MAPK4: variants seen among roughly 807,000 people sequenced by gnomAD.
MAPK4 encodes the protein mitogen-activated protein kinase 4.
A neutral mutation model predicts 47.7 loss-of-function variants in MAPK4; 22 were observed. That is an observed-to-expected ratio of 0.46 (90% CI 0.33 to 0.66). The LOEUF is 0.66. Ranked by LOEUF, MAPK4 falls within the 30% of genes least tolerant of loss-of-function variation. The pLI is 0.02. For missense variants in MAPK4, 736 were observed against 831.7 expected, an observed-to-expected ratio of 0.88 and a Z score of 1.42; for synonymous variants, 390 against 365.7, an observed-to-expected ratio of 1.07 and a Z score of -0.76.
At chr18:50,606,537 A>G (rs184647897) in intron 1 of MAPK4, among the ~76,000 whole-genome samples, 29 of 152,242 alleles carry the variant, frequency 1.9e-4, no homozygotes, top group Non-Finnish European at 2.8e-4. Flanking sequence ...CTATCTACCA[A>G]ATATTTCTAA....
At chr18:50,688,889 T>A (rs374587368) in intron 2 of MAPK4, among the ~76,000 whole-genome samples, 4,119 of 114,874 alleles carry the variant, frequency 0.036, no homozygotes, top group Non-Finnish European at 0.041. Flanking sequence ...CCTATGGAAA[T>A]AAAAAAAAAA....
intron 1 of MAPK4, among the ~76,000 whole-genome samples, chr18:50,595,055 G>A (rs969800366): frequency 4.6e-5 from 7 of 152,164 alleles, no homozygotes; most frequent in East Asian, 1.9e-4. Context: ...TGGCAACGCC[G>A]GATGTTGGCA....
At chr18:50,727,707 C>T (rs906143062) in intron 5 of MAPK4, among the ~76,000 whole-genome samples, 9 of 152,134 alleles carry the variant, frequency 5.9e-5, no homozygotes, top group African/African-American at 2.2e-4. Context: ...CCCTGACCAC[C>T]CCTAAACCTG....
intron 1 of MAPK4, among the ~76,000 whole-genome samples, chr18:50,585,816 CCTT>C (rs376862607): frequency 9.8e-5 from 15 of 152,288 alleles, no homozygotes; most frequent in African/African-American, 3.1e-4. Flanking sequence ...CCAAACATGT[CCTT>C]CTTCACATGG....
chr18:50,729,053 C>A, intron 5 of MAPK4, 105 bp from the exon 6 acceptor site: 1 of 981,538 alleles, frequency 1.0e-6, no homozygotes, highest in Non-Finnish European at 1.5e-6. Flanking sequence ...GGATGGGGGT[C>A]GAAGGCAGGT....
chr18:50,664,385 G>A lies in MAPK4; in HGVS notation c.427G>A (p.Ala143Thr), dbSNP rs754605852. ...LLRGLKYIHS[A>T]NVLHRDLKPA... ...CCGCGGGCTCAAGTACATCCACTCC[G>A]CCAACGTGCTGCACAGGGACCTGAA... Residue 143 changes from alanine (A) to threonine (T), a missense_variant, in exon 2 of 6, where the codon GCC (alanine) becomes ACC (threonine). This residue lies in a region of MAPK4 where 327 missense variants were observed against 395.4 expected (regional missense o/e 0.83). Coordinates refer to ENST00000400384, the MANE Select transcript of MAPK4 (RefSeq NM_002747.4). This position sits in a 1 kb window ranked among gnomAD's most constrained non-coding sequence, Gnocchi z 6.0. The A allele has an allele frequency of 1.5e-5, 25 of 1,613,842 alleles. No individual in the cohort carries two copies. Among genetic ancestry groups the A allele is most frequent in the South Asian group, 5.5e-5 (5 of 91,080 alleles).
intron 5 of MAPK4, among the ~76,000 whole-genome samples, chr18:50,726,398 C>T (rs1467013306): frequency 6.6e-6 from 1 of 152,096 alleles, no homozygotes; most frequent in African/African-American, 2.4e-5. Flanking sequence ...TGCAACACCC[C>T]CAGCTTCCCT....
chr18:50,641,042 C>T (rs1396371404), intron 1 of MAPK4, among the ~76,000 whole-genome samples: 7 of 152,090 alleles, frequency 4.6e-5, no homozygotes, highest in Admixed American at 3.3e-4. Flanking sequence ...TCAGAAGATC[C>T]GCATCAGCTG....
At chr18:50,717,700 T>C (rs2144451384) in intron 3 of MAPK4, among the ~76,000 whole-genome samples, 1 of 152,290 alleles carries the variant, frequency 6.6e-6, no homozygotes, top group East Asian at 1.9e-4. Flanking sequence ...AGCCTGCAAG[T>C]GGCAGGGCTA....
chr18:50,665,810 C>T (rs1907570625), intron 2 of MAPK4, among the ~76,000 whole-genome samples: 1 of 152,210 alleles, frequency 6.6e-6, no homozygotes, highest in Non-Finnish European at 1.5e-5. Flanking sequence ...CCCACTCCTG[C>T]AGCCAAGCCA....
chr18:50,563,139 C>T (rs547780205), intron 1 of MAPK4, among the ~76,000 whole-genome samples: 5 of 151,864 alleles, frequency 3.3e-5, no homozygotes, highest in African/African-American at 1.2e-4. Context: ...TAAGTAAGCC[C>T]GTTATGAAAG....
intron 2 of MAPK4, among the ~76,000 whole-genome samples, chr18:50,712,068 T>C (rs1204132432): frequency 6.6e-6 from 1 of 152,160 alleles, no homozygotes; most frequent in Non-Finnish European, 1.5e-5. Context: ...TGCACCAGCT[T>C]GGCAGAAGAC....
intron 1 of MAPK4, among the ~76,000 whole-genome samples, chr18:50,577,046 A>G (rs188965615): frequency 5.7e-4 from 87 of 152,262 alleles, no homozygotes; most frequent in South Asian, 1.2e-3. Context: ...TTGTTTGCAC[A>G]TTGGAATCAC....
chr18:50,630,170 T>C (rs1167618591), intron 1 of MAPK4, among the ~76,000 whole-genome samples: 2 of 152,166 alleles, frequency 1.3e-5, no homozygotes, highest in African/African-American at 4.8e-5. Context: ...GAGGGATTTA[T>C]GCCCCAAAGC....
chr18:50,707,184 G>A (rs1910101148), intron 2 of MAPK4, among the ~76,000 whole-genome samples: 1 of 152,192 alleles, frequency 6.6e-6, no homozygotes, highest in East Asian at 1.9e-4. Context: ...CATACAGATA[G>A]AAAGGAGCAT....
intron 1 of MAPK4, among the ~76,000 whole-genome samples, chr18:50,625,734 C>T (rs2042771258): frequency 6.6e-6 from 1 of 152,032 alleles, no homozygotes; most frequent in South Asian, 2.1e-4. Flanking sequence ...ATTGGGAGAT[C>T]CTCATAGAAA....
intron 1 of MAPK4, among the ~76,000 whole-genome samples, chr18:50,630,455 C>T (rs758716355): frequency 6.6e-6 from 1 of 152,200 alleles, no homozygotes; most frequent in Non-Finnish European, 1.5e-5. Context: ...TCCCAAAGTG[C>T]TGGGATTACA....
chr18:50,704,253 T>C (rs1420695465), intron 2 of MAPK4, among the ~76,000 whole-genome samples: 1 of 152,204 alleles, frequency 6.6e-6, no homozygotes, highest in African/African-American at 2.4e-5. Context: ...CTTATGCCTG[T>C]AATCCTAGCA....
intron 1 of MAPK4, among the ~76,000 whole-genome samples, chr18:50,570,640 C>G (rs8093289): frequency 6.6e-6 from 1 of 151,984 alleles, no homozygotes; most frequent in Non-Finnish European, 1.5e-5. Flanking sequence ...GGAGTCAAGA[C>G]AGCCTTTCCA....
Sources: gnomAD v4.1 joint callset for allele counts (sites outside exome capture counted in the v4.1 genomes callset) on GRCh38, gnomAD v4.1.1 for gene constraint, gnomAD v4.1.1 regional missense constraint, Gnocchi (gnomAD v3.1) non-coding constraint, MANE v1.5 for transcripts, NCBI Gene and HGNC (gene_info 2026-07-23, HGNC 2026-07-21) for gene names.